DMD: variants seen among roughly 807,000 people sequenced by gnomAD.
DMD encodes the protein dystrophin.
A neutral mutation model predicts 330.1 loss-of-function variants in DMD; 63 were observed. That is an observed-to-expected ratio of 0.19 (90% CI 0.16 to 0.24). The LOEUF is 0.24. Ranked by LOEUF, DMD falls within the 10% of genes least tolerant of loss-of-function variation. The pLI, the probability that DMD is intolerant of heterozygous loss-of-function variation, is 1.00. For missense variants in DMD, 3,344 were observed against 2,684.1 expected, an observed-to-expected ratio of 1.25 and a Z score of -5.43; for synonymous variants, 1,223 against 959.8, an observed-to-expected ratio of 1.27 and a Z score of -5.07.
chrX:33,130,843 G>T (rs1233154070), intron 1 of DMD, among the ~76,000 whole-genome samples: 1 of 111,730 alleles, frequency 9.0e-6, no homozygotes, highest in Non-Finnish European at 1.9e-5. Flanking sequence ...GAGCCACAGC[G>T]CCTGGCCGGG....
chrX:32,104,784 G>A (rs1364327984), intron 44 of DMD, among the ~76,000 whole-genome samples: 2 of 111,245 alleles, frequency 1.8e-5, no homozygotes, highest in Non-Finnish European at 3.8e-5. Flanking sequence ...AATGTCCCCT[G>A]AATATAGGTG....
At chrX:32,401,170 G>A (rs757500087) in intron 30 of DMD, among the ~76,000 whole-genome samples, 6 of 90,940 alleles carry the variant, frequency 6.6e-5, no homozygotes, top group East Asian at 3.8e-4. Context: ...ATCACACACC[G>A]GGGACTGTTG....
intron 16 of DMD, among the ~76,000 whole-genome samples, chrX:32,562,543 C>A (rs1256044482): frequency 8.9e-6 from 1 of 112,653 alleles, no homozygotes; most frequent in Non-Finnish European, 1.9e-5. Context: ...TTTGCTCATT[C>A]TTTATACTAA....
intron 2 of DMD, among the ~76,000 whole-genome samples, chrX:32,922,602 A>G (rs748954262): frequency 6.2e-5 from 7 of 112,300 alleles, no homozygotes; most frequent in Admixed American, 1.9e-4. Context: ...TCGCATGCGC[A>G]GGTCACAATA....
intron 25 of DMD, among the ~76,000 whole-genome samples, chrX:32,457,804 C>T (rs945785380): frequency 9.1e-6 from 1 of 110,153 alleles, no homozygotes; most frequent in Admixed American, 9.8e-5. Context: ...CAGAGAAAGA[C>T]AATGATCTGC....
At chrX:32,157,723 T>C (rs989869108) in intron 44 of DMD, among the ~76,000 whole-genome samples, 7 of 112,014 alleles carry the variant, frequency 6.2e-5, no homozygotes, top group Non-Finnish European at 9.4e-5. Flanking sequence ...TAAATAGAAA[T>C]CCTTTCCCTC....
intron 70 of DMD, chrX:31,178,447 T>TTC: frequency 1.2e-6 from 1 of 866,889 alleles, no homozygotes; most frequent in Non-Finnish European, 1.4e-6. Context: ...TTTTTTTTTT[T>TTC]CCCCCTGTGA....
intron 11 of DMD, among the ~76,000 whole-genome samples, chrX:32,616,096 G>T (rs1366333161): frequency 9.1e-6 from 1 of 110,111 alleles, no homozygotes; most frequent in Non-Finnish European, 1.9e-5. Flanking sequence ...AATTAAACTG[G>T]GGTTTTTGAA....
intron 52 of DMD, among the ~76,000 whole-genome samples, chrX:31,714,992 C>A (rs16998215): frequency 0.069 from 7,601 of 110,664 alleles, 605 homozygotes; most frequent in African/African-American, 0.22. Flanking sequence ...TATTCTACTT[C>A]TCCTAGGGAC....
intron 2 of DMD, among the ~76,000 whole-genome samples, chrX:32,970,330 T>C (rs1165713286): frequency 1.1e-5 from 1 of 94,679 alleles, no homozygotes; most frequent in Admixed American, 1.0e-4. Context: ...TTGGATTGCT[T>C]GTAACATGAA....
rs2095397695 is a variant in DMD, at chrX:31,971,339, T to C, written c.6439-2825A>G. 3.6e-5 allele frequency among the ~76,000 whole-genome samples: 4 copies of C among 112,207 alleles called. No homozygotes were observed. The Admixed American group carries it at 3.8e-4, about 11-fold the overall frequency. ...CTTCATGGCTGATGGCTACGGTGAC[T>C]TTTACAACCTAATTGTGGAATCAGC... On this transcript the variant is annotated intron_variant, in intron 44 of 78. Transcript: ENST00000357033.
rs751320057 is a variant in DMD at position 32,386,411 on chromosome X, T to C, written c.4573A>G (p.Thr1525Ala). The C allele has an allele frequency of 2.5e-6, 3 of 1,208,405 alleles. No homozygotes were observed. Among genetic ancestry groups the C allele is most frequent in the Non-Finnish European group, 3.4e-6 (3 of 892,919 alleles). ...VKSEVEMVIKTGRQIVQKKQT... is the reference protein window; with the variant it reads ...VKSEVEMVIKAGRQIVQKKQT... ...TTTTTCTGTACAATCTGACGTCCAG[T>C]CTTTATCACCATTTCCACTTCAGAC... The change falls in exon 33 of 79, where the codon ACT (threonine) becomes GCT (alanine). Residue 1525 changes from threonine to alanine, a missense_variant. Physicochemically the swap from Thr to Ala is moderately conservative, Grantham distance 58 (BLOSUM62 0). Coordinates refer to ENST00000357033, the MANE Select transcript of DMD (RefSeq NM_004006.3).
chrX:32,302,123 T>G, intron 42 of DMD, among the ~76,000 whole-genome samples: 1 of 111,392 alleles, frequency 9.0e-6, no homozygotes, highest in South Asian at 3.7e-4. Flanking sequence ...ACTTAGTGAT[T>G]TTTCAACTTT....
At chrX:32,617,460 G>A (rs2057672761) in intron 11 of DMD, among the ~76,000 whole-genome samples, 1 of 111,277 alleles carries the variant, frequency 9.0e-6, no homozygotes, top group African/African-American at 3.3e-5. Flanking sequence ...CACACCGTGA[G>A]GACAGGACAC....
chrX:32,206,219 G>A, intron 44 of DMD: 1 of 514,654 alleles, frequency 1.9e-6, no homozygotes, highest in Non-Finnish European at 3.5e-6. Context: ...CAGTGCATGT[G>A]AGTGGACAGC....
chrX:32,087,369 T>C (rs1253032669), intron 44 of DMD, among the ~76,000 whole-genome samples: 1 of 111,830 alleles, frequency 8.9e-6, no homozygotes, highest in Non-Finnish European at 1.9e-5. Context: ...GCAGAAATGT[T>C]AATTTCTGCA....
At chrX:32,012,758 AG>A (rs930302328) in intron 44 of DMD, among the ~76,000 whole-genome samples, 3 of 111,560 alleles carry the variant, frequency 2.7e-5, no homozygotes, top group African/African-American at 9.8e-5. Flanking sequence ...TATCCAAACA[AG>A]GATATTTTTG....
At chrX:31,722,717 C>A (rs2085664129) in intron 52 of DMD, among the ~76,000 whole-genome samples, 1 of 110,376 alleles carries the variant, frequency 9.1e-6, no homozygotes, top group African/African-American at 3.3e-5. Flanking sequence ...TGTACAGCAG[C>A]AGAAAAAGGA....
At chrX:32,727,034 A>G (rs1262591685) in intron 7 of DMD, among the ~76,000 whole-genome samples, 1 of 110,839 alleles carries the variant, frequency 9.0e-6, no homozygotes, top group Non-Finnish European at 1.9e-5. Context: ...TGGTTCCTCT[A>G]GGTTGAAGTA....
Sources: gnomAD v4.1 joint callset for allele counts (sites outside exome capture counted in the v4.1 genomes callset) on GRCh38, gnomAD v4.1.1 for gene constraint, MANE v1.5 for transcripts, NCBI Gene and HGNC (gene_info 2026-07-23, HGNC 2026-07-21) for gene names.